The following MAML2 variants were observed in gnomAD, a reference collection of about 807,000 sequenced individuals.
The protein encoded by MAML2 is mastermind-like protein 2.
A neutral mutation model predicts 96.1 loss-of-function variants in MAML2; 22 were observed. That is an observed-to-expected ratio of 0.23 (90% CI 0.16 to 0.33). The LOEUF (loss-of-function observed/expected upper bound fraction) is 0.33, where lower values mean the gene tolerates loss of function less well. Ranked by LOEUF, MAML2 falls within the 10% of genes least tolerant of loss-of-function variation. The pLI is 1.00. For missense variants in MAML2, 1,367 were observed against 1,392.4 expected, an observed-to-expected ratio of 0.98 and a Z score of 0.29; for synonymous variants, 561 against 521.3, an observed-to-expected ratio of 1.08 and a Z score of -1.04.
intron 1 of MAML2, among the ~76,000 whole-genome samples, chr11:96,109,814 G>C (rs901699293): frequency 6.6e-6 from 1 of 152,298 alleles, no homozygotes; most frequent in East Asian, 1.9e-4. Context: ...AGATATTCAG[G>C]TTTACAGATC....
chr11:96,065,721 G>A (rs1565203865), intron 2 of MAML2, among the ~76,000 whole-genome samples: 1 of 152,144 alleles, frequency 6.6e-6, no homozygotes, highest in Non-Finnish European at 1.5e-5. Context: ...TTACAGTGAT[G>A]GAACACAGAG....
chr11:96,232,935 CTTA>C (rs1862317146), intron 1 of MAML2, among the ~76,000 whole-genome samples: 1 of 152,146 alleles, frequency 6.6e-6, no homozygotes, highest in Admixed American at 6.5e-5. Context: ...AATCAGCCTT[CTTA>C]TTTAAGCCCT....
chr11:96,051,295 G>T (rs1684092599), intron 2 of MAML2, among the ~76,000 whole-genome samples: 1 of 152,058 alleles, frequency 6.6e-6, no homozygotes, highest in Admixed American at 6.5e-5. Context: ...AGGAAAAGAG[G>T]TATATATTGA....
chr11:96,136,088 T>C (rs923600249), intron 1 of MAML2, among the ~76,000 whole-genome samples: 2 of 150,374 alleles, frequency 1.3e-5, no homozygotes, highest in Admixed American at 6.6e-5. Context: ...CATCTAGGAA[T>C]CAACGTTTTG....
chr11:96,305,730 A>G (rs138617346), intron 1 of MAML2, among the ~76,000 whole-genome samples: 170 of 152,284 alleles, frequency 1.1e-3, no homozygotes, highest in African/African-American at 3.9e-3. Context: ...CACAACTTCT[A>G]TGATGAACTA....
intron 1 of MAML2, among the ~76,000 whole-genome samples, chr11:96,309,466 T>A (rs1196658757): frequency 6.6e-6 from 1 of 152,192 alleles, no homozygotes; most frequent in Admixed American, 6.5e-5. Flanking sequence ...TGGATGACGA[T>A]GATGAAGATA....
At chr11:96,216,698 G>C (rs1862054896) in intron 1 of MAML2, among the ~76,000 whole-genome samples, 1 of 152,178 alleles carries the variant, frequency 6.6e-6, no homozygotes, top group African/African-American at 2.4e-5. Flanking sequence ...CTCAGTCCCT[G>C]TTCTCAGGAA....
Position 95,996,323 on chromosome 11 carries a change from C to A in MAML2, c.2140-4600G>T, listed in dbSNP as rs184732884. ...CTTCCAGAGAATTCTGGAAAACCAA[C>A]CTTTTCTAAGATTTATAAAAGATCT... On this transcript the variant is annotated intron_variant, in intron 2 of 4. Transcript: ENST00000524717. Among the ~76,000 whole-genome samples, 922 of 152,240 alleles carry A rather than the reference C, an allele frequency of 6.1e-3. 15 individuals carry two copies. Among genetic ancestry groups the A allele is most frequent in the African/African-American group, 0.02 (840 of 41,550 alleles).
At position 96,268,854 on chromosome 11, in the gene MAML2, C is replaced by T. The variant is rs755118669; in HGVS notation, c.513+72529G>A. On this transcript the variant is annotated intron_variant, in intron 1 of 4. Coordinates refer to ENST00000524717, the MANE Select transcript of MAML2 (RefSeq NM_032427.4). ...TAACTGTAAGGCCTCCCTCACTATG[C>T]AGAACTGTGAGTCAATTAAAACTCT... Among the ~76,000 whole-genome samples the T allele has an allele frequency of 4.1e-5, 6 of 144,734 alleles. 1 individual carries two copies. The highest frequency in any genetic ancestry group is 9.0e-5 in the Non-Finnish European group (6 of 66,876). The allele number at this position is 144,734 out of a possible 152,430, so 95.0% of individuals were successfully genotyped here.
At chr11:96,000,857 T>C (rs1858068430) in intron 2 of MAML2, among the ~76,000 whole-genome samples, 1 of 152,208 alleles carries the variant, frequency 6.6e-6, no homozygotes. Flanking sequence ...GAACAAAGTC[T>C]ATTCGCTTGA....
At chr11:96,253,963 G>T (rs1210342147) in intron 1 of MAML2, among the ~76,000 whole-genome samples, 1 of 152,134 alleles carries the variant, frequency 6.6e-6, no homozygotes, top group African/African-American at 2.4e-5. Context: ...ACATATTTAA[G>T]GAAGTGATGA....
intron 1 of MAML2, among the ~76,000 whole-genome samples, chr11:96,098,882 A>C (rs1342705211): frequency 6.6e-6 from 1 of 152,226 alleles, no homozygotes; most frequent in Non-Finnish European, 1.5e-5. Context: ...TTTCCAAAAG[A>C]CTTGAAACAT....
intron 1 of MAML2, among the ~76,000 whole-genome samples, chr11:96,233,657 C>T (rs115209309): frequency 0.17 from 26,319 of 152,088 alleles, 2,698 homozygotes; most frequent in Non-Finnish European, 0.23. Flanking sequence ...TATCTTCCTG[C>T]CTCTGCCTCC....
chr11:96,292,959 G>T (rs1284966860), intron 1 of MAML2, among the ~76,000 whole-genome samples: 1 of 152,008 alleles, frequency 6.6e-6, no homozygotes, highest in Admixed American at 6.6e-5. Context: ...CTGATGTATG[G>T]GTTGATCATT....
intron 1 of MAML2, among the ~76,000 whole-genome samples, chr11:96,126,880 G>A (rs1860447220): frequency 6.6e-6 from 1 of 151,640 alleles, no homozygotes; most frequent in African/African-American, 2.4e-5. Flanking sequence ...AACTAAGCGT[G>A]ATGACAGTGC....
chr11:96,340,098 G>T (rs913910005), intron 1 of MAML2, among the ~76,000 whole-genome samples: 1 of 152,184 alleles, frequency 6.6e-6, no homozygotes, highest in African/African-American at 2.4e-5. Context: ...ACTCCCCAGA[G>T]ATTCCCAGGG....
chr11:96,341,330 T>G, intron 1 of MAML2, 53 bp downstream of exon 1: 1 of 1,470,174 alleles, frequency 6.8e-7, no homozygotes, highest in Non-Finnish European at 9.0e-7. Flanking sequence ...AACTCTACCC[T>G]CACAAAAGGT....
At chr11:96,249,891 A>G (rs1862558591) in intron 1 of MAML2, among the ~76,000 whole-genome samples, 1 of 152,182 alleles carries the variant, frequency 6.6e-6, no homozygotes, top group Non-Finnish European at 1.5e-5. Flanking sequence ...TCTTACTTAG[A>G]ATAAGACCAA....
At chr11:96,262,406 C>T (rs1304853182) in intron 1 of MAML2, among the ~76,000 whole-genome samples, 5 of 151,970 alleles carry the variant, frequency 3.3e-5, no homozygotes, top group Non-Finnish European at 2.9e-5. Flanking sequence ...GATTACTGCT[C>T]GTTTTCTTTC....
Sources: gnomAD v4.1 joint callset for allele counts (sites outside exome capture counted in the v4.1 genomes callset) on GRCh38, gnomAD v4.1.1 for gene constraint, MANE v1.5 for transcripts, NCBI Gene and HGNC (gene_info 2026-07-23, HGNC 2026-07-21) for gene names.